Variants in FMN2 observed in about 807,000 individuals in gnomAD.
FMN2 encodes the protein formin 2, also known as formin-2.
In FMN2, 51 loss-of-function variants were observed where a neutral mutation model predicts 142.3. The ratio of observed to expected loss-of-function variants is 0.36; its 90% confidence interval spans 0.29 to 0.45. The LOEUF is 0.45. Among genes scored for constraint, FMN2 ranks in the 20% least tolerant of loss-of-function variants. FMN2 has a pLI of 1.00. For synonymous variants in FMN2, 882 were observed against 869.8 expected (o/e 1.01, Z -0.25); for missense variants, 1,936 against 2,122.8 (o/e 0.91, Z 1.73).
At chr1:240,126,213 G>GAT (rs1662497003) in intron 2 of FMN2, among the ~76,000 whole-genome samples, 1 of 152,102 alleles carries the variant, frequency 6.6e-6, no homozygotes, top group South Asian at 2.1e-4. Flanking sequence ...CTTATCTATG[G>GAT]GGAGAGAAAT....
intron 4 of FMN2, among the ~76,000 whole-genome samples, chr1:240,190,501 TTTACTC>T (rs1232686676): frequency 6.6e-6 from 1 of 152,162 alleles, no homozygotes; most frequent in Non-Finnish European, 1.5e-5. Context: ...TACCTGTTCT[TTTACTC>T]TATTACCTTA....
chr1:240,350,324 A>G (rs1409336297), intron 13 of FMN2, among the ~76,000 whole-genome samples: 1 of 152,168 alleles, frequency 6.6e-6, no homozygotes, highest in East Asian at 1.9e-4. Context: ...TACCTCAGTG[A>G]CCACTGGAGA....
Position 240,177,927 on chromosome 1 carries a change from C to A in FMN2, c.1789C>A (p.Gln597Lys). 6.4e-7 allele frequency: 1 copy of A among 1,556,278 alleles called. No individual in the cohort carries two copies. The highest frequency in any genetic ancestry group is 2.3e-5 in the East Asian group (1 of 43,666). Residue 597 changes from glutamine to lysine, a missense_variant, in exon 3 of 18, where the codon CAA (glutamine) becomes AAA (lysine). This residue lies in a region of FMN2 where 478 missense variants were observed against 462.8 expected (regional missense o/e 1.03). Transcript: ENST00000319653. ...QTNAASFDQD[Q>K]LYTWAAVSQP... is the part of the protein sequence containing the mutation. ...TTTTTATTTTTAAATATAGCAAGATCAACTTTATACCTGGGCTGCAGTTAG... is the reference window on the plus strand; with the variant it reads ...TTTTTATTTTTAAATATAGCAAGATAAACTTTATACCTGGGCTGCAGTTAG...
intron 1 of FMN2, among the ~76,000 whole-genome samples, chr1:240,096,591 A>G (rs970047682): frequency 1.3e-5 from 2 of 152,144 alleles, no homozygotes; most frequent in Middle Eastern, 3.2e-3. Flanking sequence ...CCTTAGGGAA[A>G]TTTCTTTTTG....
chr1:240,372,064 C>T (rs576924006), intron 14 of FMN2, among the ~76,000 whole-genome samples: 100 of 152,028 alleles, frequency 6.6e-4, no homozygotes, highest in African/African-American at 2.3e-3. Context: ...GGTGAAACCC[C>T]GTCTGTATTA....
At chr1:240,152,524 G>A (rs1051188869) in intron 2 of FMN2, among the ~76,000 whole-genome samples, 1 of 152,068 alleles carries the variant, frequency 6.6e-6, no homozygotes, top group Admixed American at 6.6e-5. Context: ...TGTCCTAGCA[G>A]TAGCATCATG....
At chr1:240,368,583 T>TC (rs397788726) in intron 14 of FMN2, among the ~76,000 whole-genome samples, 1 of 151,842 alleles carries the variant, frequency 6.6e-6, no homozygotes, top group Admixed American at 6.6e-5. Context: ...TTTGAGATAT[T>TC]AAAAAATTTC....
At chr1:240,452,324 C>A (rs1218046749) in intron 16 of FMN2, among the ~76,000 whole-genome samples, 1 of 152,062 alleles carries the variant, frequency 6.6e-6, no homozygotes, top group Non-Finnish European at 1.5e-5. Context: ...AGGCAAGAAT[C>A]CCCACTCCTT....
At chr1:240,360,156 A>G (rs1672413471) in intron 14 of FMN2, among the ~76,000 whole-genome samples, 1 of 152,180 alleles carries the variant, frequency 6.6e-6, no homozygotes, top group Non-Finnish European at 1.5e-5. Flanking sequence ...TTTCCCTTGC[A>G]AATTTAGCTT....
chr1:240,471,330 G>A (rs989043922), intron 16 of FMN2, among the ~76,000 whole-genome samples: 4 of 151,840 alleles, frequency 2.6e-5, no homozygotes, highest in Non-Finnish European at 5.9e-5. Flanking sequence ...AAGTTAATCT[G>A]AAATAATTTT....
intron 1 of FMN2, among the ~76,000 whole-genome samples, chr1:240,122,816 G>A (rs1662336562): frequency 6.6e-6 from 1 of 152,138 alleles, no homozygotes; most frequent in African/African-American, 2.4e-5. Flanking sequence ...CACTCAGGAG[G>A]CTTAGGTGGG....
rs184547200 is a variant in FMN2, at chr1:240,456,235, T to C, written c.5061-16137T>C. 3.3e-5 allele frequency among the ~76,000 whole-genome samples: 5 copies of C among 152,224 alleles called. No homozygotes were observed. In the East Asian group the frequency reaches 9.7e-4, roughly 29 times the overall value. ...TTTGAGACCCAAAAACCTCAGAAACTGAAAGCTTATTCATATTTTTGTGGC... is the reference window on the plus strand; with the variant it reads ...TTTGAGACCCAAAAACCTCAGAAACCGAAAGCTTATTCATATTTTTGTGGC... On this transcript the variant is annotated intron_variant, in intron 16 of 17. Coordinates refer to ENST00000319653, the MANE Select transcript of FMN2 (RefSeq NM_020066.5).
At chr1:240,324,072 A>G (rs1671068541) in intron 8 of FMN2, among the ~76,000 whole-genome samples, 1 of 152,028 alleles carries the variant, frequency 6.6e-6, no homozygotes, top group South Asian at 2.1e-4. Context: ...AAGAGTTGGG[A>G]TTTGCTAGCC....
At chr1:240,311,926 A>G (rs1056562442) in intron 8 of FMN2, among the ~76,000 whole-genome samples, 2 of 152,170 alleles carry the variant, frequency 1.3e-5, no homozygotes, top group African/African-American at 4.8e-5. Flanking sequence ...GCTGAACTCA[A>G]GTGATCCTCT....
Position 240,185,282 on chromosome 1 carries a change from C to T in FMN2, c.1931-2925C>T, listed in dbSNP as rs925465662. Among the ~76,000 whole-genome samples the T allele has an allele frequency of 1.3e-3, 195 of 151,876 alleles. 14 individuals are homozygous for T. The highest frequency in any genetic ancestry group is 4.9e-4 in the Non-Finnish European group (33 of 67,962). ...TTTTCTCTTCTCTCCCAGTGGTTCTCATTTATTTTCCCTTTATTTTTCAGT... is the reference window on the plus strand; with the variant it reads ...TTTTCTCTTCTCTCCCAGTGGTTCTTATTTATTTTCCCTTTATTTTTCAGT... On this transcript the variant is annotated intron_variant, in intron 3 of 17. Transcript: ENST00000319653.
chr1:240,228,771 C>T (rs1052946201), intron 6 of FMN2, among the ~76,000 whole-genome samples: 1 of 148,774 alleles, frequency 6.7e-6, no homozygotes, highest in African/African-American at 2.5e-5. Context: ...ATTTTTCAAC[C>T]TCAAAAAACC....
intron 7 of FMN2, among the ~76,000 whole-genome samples, chr1:240,283,686 G>A (rs1426098403): frequency 6.6e-6 from 1 of 152,142 alleles, no homozygotes; most frequent in African/African-American, 2.4e-5. Context: ...ATACAATAGA[G>A]GGAGTAGCTG....
intron 15 of FMN2, among the ~76,000 whole-genome samples, chr1:240,407,172 C>G (rs563039908): frequency 6.6e-6 from 1 of 151,008 alleles, no homozygotes; most frequent in Admixed American, 6.6e-5. Context: ...AAGTCTCGCT[C>G]TGTAGCCCAG....
Position 240,406,679 on chromosome 1 carries a change from T to A in FMN2, c.4910+14117T>A, listed in dbSNP as rs571555548. Among the ~76,000 whole-genome samples the A allele has an allele frequency of 1.2e-3, 188 of 152,278 alleles. 1 individual carries two copies. Among genetic ancestry groups the A allele is most frequent in the Non-Finnish European group, 2.1e-3 (146 of 68,026 alleles). On this transcript the variant is annotated intron_variant, in intron 15 of 17. Coordinates refer to ENST00000319653, the MANE Select transcript of FMN2 (RefSeq NM_020066.5). ...TGACCTGCCACTCATGGCTCTAGTT[T>A]GAATTTTCTTCATGGGTGTTAATGC...
Sources: gnomAD v4.1 joint callset for allele counts (sites outside exome capture counted in the v4.1 genomes callset) on GRCh38, gnomAD v4.1.1 for gene constraint, gnomAD v4.1.1 regional missense constraint, MANE v1.5 for transcripts, NCBI Gene and HGNC (gene_info 2026-07-23, HGNC 2026-07-21) for gene names.